Variants in DHX9 observed in about 807,000 individuals in gnomAD.
The protein encoded by DHX9 is DExH-box helicase 9.
In DHX9, 27 loss-of-function variants were observed where a neutral mutation model predicts 148.7. That is an observed-to-expected ratio of 0.18 (90% CI 0.13 to 0.25). The LOEUF (loss-of-function observed/expected upper bound fraction) is 0.25. DHX9 is among the 10% of genes least tolerant of loss of function. The pLI, the probability that DHX9 is intolerant of heterozygous loss-of-function variation, is 1.00. For synonymous variants in DHX9, 529 were observed against 516.6 expected, an observed-to-expected ratio of 1.02 and a Z score of -0.33; for missense variants, 796 against 1,559.6, an observed-to-expected ratio of 0.51 and a Z score of 8.25.
chr1:182,876,996 C>T, intron 19 of DHX9, 93 bp downstream of exon 19: 4 of 806,180 alleles, frequency 5.0e-6, no homozygotes, highest in Non-Finnish European at 8.1e-6. Flanking sequence ...TATTTTTAAA[C>T]TCCTGTGTTC....
At chr1:182,846,284 C>A (rs1265131363) in intron 3 of DHX9, among the ~76,000 whole-genome samples, 2 of 150,792 alleles carry the variant, frequency 1.3e-5, no homozygotes, top group Admixed American at 6.6e-5. Flanking sequence ...GTTGCCCAGG[C>A]TGGAGTGCAG....
Position 182,887,104 on chromosome 1 carries a change from T to A in DHX9, c.3483T>A (p.Pro1161=), listed in dbSNP as rs1649366408. 6.2e-7 allele frequency: 1 copy of A among 1,614,040 alleles called. No homozygotes were observed. The highest frequency in any genetic ancestry group is 8.5e-7 in the Non-Finnish European group (1 of 1,180,018). ...CTAGGTATGGAGATGGTCCACGTCCTCCCAAGATGGCCCGATACGACAATG... is the reference window on the plus strand; with the variant it reads ...CTAGGTATGGAGATGGTCCACGTCCACCCAAGATGGCCCGATACGACAATG... ...GSTRYGDGPR[P]PKMARYDNGS... The change falls in exon 28 of 28, where the codon CCT becomes CCA. Residue 1161 remains proline (P), a synonymous_variant. Transcript: ENST00000367549.
In DHX9 at chr1:182,852,181, G is replaced by C. The variant is rs1571301107; in HGVS notation, c.253-52G>C. 4 of 1,176,048 alleles carry C rather than the reference G, an allele frequency of 3.4e-6. No individual in the cohort carries two copies. The Admixed American group carries it at 8.7e-5, about 25-fold the overall frequency. 72.9% of individuals were successfully genotyped at this position (1,176,048 alleles called of 1,614,324 possible). ...TTTTAAGTATTAAAAGAATTTACTA[G>C]TCCCCGTGAAGGCAAAAGCACTGAC... On this transcript the variant is annotated intron_variant, in intron 3 of 27. Coordinates refer to ENST00000367549, the MANE Select transcript of DHX9 (RefSeq NM_001357.5).
rs1668190802 is a variant in DHX9 at position 182,853,325 on chromosome 1, G to A, written c.384G>A (p.Gly128=). ...ALKAENNSEV[G]ASGYGVPGPT... ...TAACAGAAAATAATTCTGAGGTAGGGGCCTCTGGCTATGGTGTTCCTGGGC... is the reference window on the plus strand; with the variant it reads ...TAACAGAAAATAATTCTGAGGTAGGAGCCTCTGGCTATGGTGTTCCTGGGC... The change falls in exon 5 of 28, where the codon GGG becomes GGA. Residue 128 remains glycine (G), a synonymous_variant. Coordinates refer to ENST00000367549, the MANE Select transcript of DHX9 (RefSeq NM_001357.5). 1.2e-6 allele frequency: 2 copies of A among 1,612,856 alleles called. No homozygotes were observed. Among genetic ancestry groups the A allele is most frequent in the Non-Finnish European group, 1.7e-6 (2 of 1,179,536 alleles).
At chr1:182,843,149 T>C (rs1186441999) in intron 2 of DHX9, 145 bp from the exon 3 acceptor site, 5 of 513,950 alleles carry the variant, frequency 9.7e-6, no homozygotes, top group Non-Finnish European at 1.5e-5. Context: ...AGCTCATGCA[T>C]TCTCTTATTT....
intron 12 of DHX9, among the ~76,000 whole-genome samples, chr1:182,865,072 TAGAAA>T (rs1557972490): frequency 6.6e-6 from 1 of 151,824 alleles, no homozygotes; most frequent in African/African-American, 2.4e-5. Flanking sequence ...GTAGAAGTGT[TAGAAA>T]AGAAAAAAAG....
intron 1 of DHX9, among the ~76,000 whole-genome samples, chr1:182,841,561 C>G (rs1444067874): frequency 6.6e-6 from 1 of 152,220 alleles, no homozygotes; most frequent in Non-Finnish European, 1.5e-5. Context: ...CAGAGTTAGA[C>G]TGTGGCCACT....
At chr1:182,870,627 C>CT (rs992496941) in intron 14 of DHX9, among the ~76,000 whole-genome samples, 4 of 152,148 alleles carry the variant, frequency 2.6e-5, no homozygotes, top group African/African-American at 9.7e-5. Flanking sequence ...TACCTCATAA[C>CT]TAAGTACAAA....
chr1:182,840,855 C>G (rs1340087581), intron 1 of DHX9, among the ~76,000 whole-genome samples: 1 of 151,994 alleles, frequency 6.6e-6, no homozygotes, highest in East Asian at 1.9e-4. Flanking sequence ...GATGTCGTAC[C>G]GTTTATGGAA....
chr1:182,842,626 C>G lies in DHX9; in HGVS notation c.60C>G (p.Ser20=). 1.2e-6 allele frequency: 2 copies of G among 1,613,596 alleles called. No homozygotes were observed. Among genetic ancestry groups the G allele is most frequent in the Non-Finnish European group, 1.7e-6 (2 of 1,179,706 alleles). ...AWCGKRKMTP[S]YEIRAVGNKN... ...GTGGCAAAAGGAAGATGACCCCATC[C>G]TATGAAATTAGAGCAGTGGGGAACA... Residue 20 remains serine, a synonymous_variant, in exon 2 of 28, where the codon TCC becomes TCG. Coordinates refer to ENST00000367549, the MANE Select transcript of DHX9 (RefSeq NM_001357.5).
At chr1:182,854,277 G>A (rs1283341583) in intron 6 of DHX9, 99 bp downstream of exon 6, 5 of 1,110,626 alleles carry the variant, frequency 4.5e-6, no homozygotes, top group Non-Finnish European at 6.3e-6. Context: ...CTGGTTAATT[G>A]TGTGGATTAG....
In DHX9 at chr1:182,883,359, T is replaced by C. The variant is rs772636205; in HGVS notation, c.3135T>C (p.Phe1045=). Residue 1045 remains phenylalanine, a synonymous_variant, in exon 25 of 28, where the codon TTT becomes TTC. Coordinates refer to ENST00000367549, the MANE Select transcript of DHX9 (RefSeq NM_001357.5). ...AGTACCCATCTCCCTTCTTTGTATT[T>C]GGTGAAAAGGTAAGAAAAGACTAGA... ...DMKYPSPFFV[F]GEKIRTRAIS... The C allele has an allele frequency of 4.3e-6, 7 of 1,613,524 alleles. No individual in the cohort carries two copies. In the African/African-American group the frequency reaches 6.7e-5, roughly 15 times the overall value.
chr1:182,870,974 A>G (rs1323831854), intron 14 of DHX9, among the ~76,000 whole-genome samples: 3 of 152,200 alleles, frequency 2.0e-5, no homozygotes, highest in Non-Finnish European at 4.4e-5. Flanking sequence ...ATTCAGATTA[A>G]TGCTACTGTA....
intron 27 of DHX9, among the ~76,000 whole-genome samples, chr1:182,885,112 C>T (rs1310889561): frequency 1.3e-5 from 2 of 152,078 alleles, no homozygotes; most frequent in East Asian, 3.9e-4. Flanking sequence ...AGTGACACAG[C>T]CCAGATAGCC....
intron 18 of DHX9, 42 bp from the exon 19 acceptor site, chr1:182,876,788 A>T: frequency 6.9e-7 from 1 of 1,452,776 alleles, no homozygotes; most frequent in African/African-American, 1.4e-5. Context: ...TTAAGTAACT[A>T]ATAAGAATAT....
intron 27 of DHX9, 24 bp downstream of exon 27, chr1:182,884,837 T>C (rs1163073815): frequency 5.0e-6 from 8 of 1,610,180 alleles, no homozygotes; most frequent in African/African-American, 4.0e-5. Flanking sequence ...TACTTCTTAC[T>C]GAACCAAGTA....
At chr1:182,852,388 C>G in intron 4 of DHX9, 44 bp downstream of exon 4, 1 of 1,347,658 alleles carries the variant, frequency 7.4e-7, no homozygotes. Context: ...ATAAGATATA[C>G]ACAATCTTGA....
rs1557982627 is a variant in DHX9 at position 182,887,127 on chromosome 1, A to G, written c.3506A>G (p.Asn1169Ser). ...PRPPKMARYD[N>S]GSGYRRGGSS... is the part of the protein sequence containing the mutation. ...CCTCCCAAGATGGCCCGATACGACA[A>G]TGGAAGCGGATATAGAAGGGGAGGT... Residue 1169 changes from asparagine to serine, a missense_variant, in exon 28 of 28, where the codon AAT becomes AGT. Asn to Ser is a conservative substitution (Grantham distance 46, BLOSUM62 1). Coordinates refer to ENST00000367549, the MANE Select transcript of DHX9 (RefSeq NM_001357.5). 2 of 1,614,214 alleles carry G rather than the reference A, an allele frequency of 1.2e-6. No individual in the cohort carries two copies. Among genetic ancestry groups the G allele is most frequent in the Non-Finnish European group, 1.7e-6 (2 of 1,180,038 alleles).
intron 9 of DHX9, 34 bp from the exon 10 acceptor site, chr1:182,858,699 A>G: frequency 6.2e-7 from 1 of 1,612,924 alleles, no homozygotes; most frequent in Non-Finnish European, 8.5e-7. Context: ...CAAGCAAATC[A>G]TATTTTTTGT....
Sources: allele counts gnomAD v4.1 joint callset (sites outside exome capture counted in the v4.1 genomes callset), GRCh38; gene constraint gnomAD v4.1.1; transcripts MANE v1.5; gene names NCBI Gene and HGNC (gene_info 2026-07-23, HGNC 2026-07-21).